SUGP1: variants seen among roughly 807,000 people sequenced by gnomAD.
The protein encoded by SUGP1 is SURP and G-patch domain containing 1, also known as SURP and G-patch domain-containing protein 1.
Under a neutral mutation model 76.5 loss-of-function variants are expected in SUGP1, and 34 were observed. The ratio of observed to expected loss-of-function variants is 0.44; its 90% CI spans 0.34 to 0.59. The LOEUF is 0.59. Ranked by LOEUF, SUGP1 falls within the 20% of genes least tolerant of loss-of-function variation. SUGP1 has a pLI of 0.01. For missense variants in SUGP1, 752 were observed against 851.7 expected (o/e 0.88, Z 1.46); for synonymous variants, 326 against 326.2 (o/e 1.00, Z 0.01).
chr19:19,305,805 G>A, intron 4 of SUGP1, 44 bp downstream of exon 4: 2 of 1,539,532 alleles, frequency 1.3e-6, no homozygotes, highest in Non-Finnish European at 1.8e-6. Flanking sequence ...ACCTGCTAGA[G>A]CACGGGCACT....
rs375086554 is a variant in SUGP1 at position 19,306,060 on chromosome 19, C to A, written c.327G>T (p.Ala109=). ...AQTSTDAPTS[A]PSAPPSTPTP... ...TGGGTGTGCTGGGAGGGGCGCTGGG[C>A]GCACTGGTCGGGGCGTCTGGTATAG... Residue 109 remains alanine (A), a synonymous_variant, in exon 4 of 14, where the codon GCG becomes GCT. Coordinates refer to ENST00000247001, the MANE Select transcript of SUGP1 (RefSeq NM_172231.4). 18 of 1,602,868 alleles carry A rather than the reference C, an allele frequency of 1.1e-5. No individual in the cohort carries two copies. Among genetic ancestry groups the A allele is most frequent in the Non-Finnish European group, 1.5e-5 (18 of 1,175,022 alleles).
At chr19:19,303,260 C>G in intron 6 of SUGP1, 88 bp downstream of exon 6, 1 of 1,138,606 alleles carries the variant, frequency 8.8e-7, no homozygotes, top group Non-Finnish European at 1.3e-6. Context: ...CAGTGCCACT[C>G]CAGCACCTCC....
At chr19:19,306,681 T>C (rs2061320417) in intron 3 of SUGP1, among the ~76,000 whole-genome samples, 1 of 152,168 alleles carries the variant, frequency 6.6e-6, no homozygotes, top group African/African-American at 2.4e-5. Context: ...CGGGTGACGA[T>C]TTACCCACCT....
chr19:19,306,058 G>T lies in SUGP1; in HGVS notation c.329C>A (p.Pro110His). ...QTSTDAPTSA[P>H]SAPPSTPTPS... is the part of the protein sequence containing the mutation. ...GGTGGGTGTGCTGGGAGGGGCGCTG[G>T]GCGCACTGGTCGGGGCGTCTGGTAT... Residue 110 changes from proline (P) to histidine (H), a missense_variant, in exon 4 of 14, where the codon CCC becomes CAC. By Grantham distance (77) the Pro-to-His change is moderately conservative. This residue lies in a region of SUGP1 where 620 missense variants were observed against 617.3 expected (regional missense o/e 1.00). Transcript: ENST00000247001. 1 of 1,604,428 alleles carries T rather than the reference G, an allele frequency of 6.2e-7. No individual in the cohort carries two copies. The highest frequency in any genetic ancestry group is 8.5e-7 in the Non-Finnish European group (1 of 1,175,668).
At chr19:19,291,933 A>ACAC (rs71170610) in intron 8 of SUGP1, among the ~76,000 whole-genome samples, 8 of 146,700 alleles carry the variant, frequency 5.5e-5, no homozygotes, top group Admixed American at 6.9e-5. Flanking sequence ...ACACACACAC[A>ACAC]AAAGGGCCAA....
intron 11 of SUGP1, among the ~76,000 whole-genome samples, chr19:19,278,283 A>C (rs2061069618): frequency 6.6e-6 from 1 of 152,186 alleles, no homozygotes; most frequent in Non-Finnish European, 1.5e-5. Flanking sequence ...AGTTTTATAA[A>C]AAAACCTCAA....
At position 19,304,071 on chromosome 19, in the gene SUGP1, G is replaced by A. The variant is rs530051235; in HGVS notation, c.539-224C>T. 7.9e-6 allele frequency: 12 copies of A among 1,520,034 alleles called. No individual in the cohort carries two copies. The South Asian group carries it at 1.5e-4, about 19-fold the overall frequency. The allele number at this position is 1,520,034 out of a possible 1,614,324, so 94.2% of individuals were successfully genotyped here. A position where few individuals can be genotyped will look rare whatever the true frequency, so the allele number is the denominator to read the frequency against. On this transcript the variant is annotated intron_variant, in intron 4 of 13. Transcript: ENST00000247001. The stretch of plus-strand genomic sequence containing the variant: ...AGGTGGGAGAGAAGTGTGTGAGGCT[G>A]TGGTGAGCTCCAGGCTGGAAGCTAG...
intron 7 of SUGP1, among the ~76,000 whole-genome samples, chr19:19,301,236 G>T (rs57915152): frequency 3.9e-5 from 6 of 151,946 alleles, no homozygotes. Flanking sequence ...AACAATCCAC[G>T]GCCCCAACAC....
At chr19:19,281,954 G>A (rs895105630) in intron 8 of SUGP1, among the ~76,000 whole-genome samples, 1 of 152,116 alleles carries the variant, frequency 6.6e-6, no homozygotes, top group African/African-American at 2.4e-5. Context: ...GGTAATTATT[G>A]TGCTTATCGT....
chr19:19,317,232 G>A (rs1334570522), intron 1 of SUGP1, among the ~76,000 whole-genome samples: 1 of 152,040 alleles, frequency 6.6e-6, no homozygotes, highest in Non-Finnish European at 1.5e-5. Flanking sequence ...TATGCAGGTA[G>A]GACAGGCAGA....
chr19:19,309,103 G>C (rs2061336482), intron 3 of SUGP1, among the ~76,000 whole-genome samples: 1 of 151,970 alleles, frequency 6.6e-6, no homozygotes, highest in African/African-American at 2.4e-5. Flanking sequence ...CTGACCTCAG[G>C]TGATCCGCCT....
intron 8 of SUGP1, among the ~76,000 whole-genome samples, chr19:19,285,543 G>A (rs1030236367): frequency 7.9e-5 from 12 of 152,016 alleles, no homozygotes; most frequent in African/African-American, 2.9e-4. Context: ...TAAGGAAGAG[G>A]AGCAAACACC....
At chr19:19,318,155 T>C (rs943809431) in intron 1 of SUGP1, among the ~76,000 whole-genome samples, 2 of 141,446 alleles carry the variant, frequency 1.4e-5, no homozygotes, top group Non-Finnish European at 1.5e-5. Context: ...ATTGCTCTTT[T>C]CCCCCAGGCT....
chr19:19,311,452 G>A (rs941968439), intron 2 of SUGP1, among the ~76,000 whole-genome samples: 1 of 152,034 alleles, frequency 6.6e-6, no homozygotes, highest in Non-Finnish European at 1.5e-5. Context: ...CCCAGGCTGG[G>A]CGCGGTGGCT....
rs184415148 is a variant in SUGP1 at position 19,281,867 on chromosome 19, A to G, written c.1244-1576T>C. Reference sequence around the variant, plus strand: ...CTTGTAGGTTTGGTAAGAAAATGAGAGACCAGGCCATAGGCTGGCCCTCCC... The same window carrying G: ...CTTGTAGGTTTGGTAAGAAAATGAGGGACCAGGCCATAGGCTGGCCCTCCC... On this transcript the variant is annotated intron_variant, in intron 8 of 13. Coordinates refer to ENST00000247001, the MANE Select transcript of SUGP1 (RefSeq NM_172231.4). Among the ~76,000 whole-genome samples the G allele has an allele frequency of 3.9e-4, 59 of 152,374 alleles. No homozygotes were observed. In the Middle Eastern group the frequency reaches 0.01, roughly 26 times the overall value.
intron 7 of SUGP1, among the ~76,000 whole-genome samples, chr19:19,300,312 GT>G (rs2061261509): frequency 1.3e-5 from 2 of 152,296 alleles, no homozygotes; most frequent in South Asian, 4.1e-4. Context: ...CTGACCTCAG[GT>G]GATCCACTTG....
At position 19,278,788 on chromosome 19, in the gene SUGP1, C is replaced by T. The variant is rs1377529255; in HGVS notation, c.1537G>A (p.Glu513Lys). The change falls in exon 11 of 14, where the codon GAG becomes AAG. Residue 513 changes from glutamate to lysine, a missense_variant. Transcript: ENST00000247001. ...CCCCGGCCCATCTTTGTCAGCTGCT[C>T]GGCCCATTCTGCTCAGAGAAGCAGA... is the stretch of plus-strand genomic sequence containing the variant. ...MEMDKTREWAEQLTKMGRGKH... is the reference protein window; with the variant it reads ...MEMDKTREWAKQLTKMGRGKH... 1.2e-6 allele frequency: 2 copies of T among 1,613,324 alleles called. No homozygotes were observed. The highest frequency in any genetic ancestry group is 1.7e-5 in the Admixed American group (1 of 59,944).
chr19:19,308,149 G>GC (rs1391859682), intron 3 of SUGP1, among the ~76,000 whole-genome samples: 4 of 152,034 alleles, frequency 2.6e-5, no homozygotes, highest in East Asian at 3.9e-4. Context: ...ACCCATCTCA[G>GC]CCCCCCCATT....
intron 1 of SUGP1, among the ~76,000 whole-genome samples, 191 bp downstream of exon 1, chr19:19,320,272 C>T (rs1465870524): frequency 6.6e-6 from 1 of 152,204 alleles, no homozygotes; most frequent in African/African-American, 2.4e-5. Context: ...CTCAGCAAAC[C>T]AAGCGGGGGC....
Sources: allele counts gnomAD v4.1 joint callset (sites outside exome capture counted in the v4.1 genomes callset), GRCh38; gene constraint gnomAD v4.1.1; regional missense constraint gnomAD v4.1.1; transcripts MANE v1.5; gene names NCBI Gene and HGNC (gene_info 2026-07-23, HGNC 2026-07-21).